Variants in CYP3A43 observed in about 807,000 individuals in gnomAD.
CYP3A43 encodes cytochrome P450 3A43.
Under a neutral mutation model 58.0 loss-of-function variants are expected in CYP3A43, and 45 were observed. The ratio of observed to expected loss-of-function variants is 0.78; its 90% CI spans 0.61 to 0.99. The LOEUF (loss-of-function observed/expected upper bound fraction) is 0.99. Among genes scored for constraint, CYP3A43 ranks in the 50% least tolerant of loss-of-function variants. The pLI is 0.00. For missense variants in CYP3A43, 593 were observed against 591.9 expected (o/e 1.00, Z -0.02); for synonymous variants, 191 against 201.4 (o/e 0.95, Z 0.44).
At position 99,849,534 on chromosome 7, in the gene CYP3A43, TA is replaced by T. The variant is rs1817665122; in HGVS notation, c.522-11del. Reference sequence around the variant, plus strand: ...GTGCTGGTTTTAATTTTCCATGTTTTACTCTACTCAGTTTCTTTGGGGCCTA... The same window carrying T: ...GTGCTGGTTTTAATTTTCCATGTTTTCTCTACTCAGTTTCTTTGGGGCCTA... On this transcript the variant is annotated splice_polypyrimidine_tract_variant and intron_variant, in intron 6 of 12. Coordinates refer to ENST00000354829, the MANE Select transcript of CYP3A43 (RefSeq NM_057095.3). 1.3e-6 allele frequency: 2 copies of T among 1,581,824 alleles called. No homozygotes were observed. The highest frequency in any genetic ancestry group is 1.7e-6 in the Non-Finnish European group (2 of 1,171,152).
Position 99,863,685 on chromosome 7 carries a change from T to G in CYP3A43, c.1402T>G (p.Cys468Gly), listed in dbSNP as rs1170582486. The change falls in exon 12 of 13, where the codon TGT (cysteine) becomes GGT (glycine). Residue 468 changes from cysteine to glycine, a missense_variant. Physicochemically the swap from Cys to Gly is radical, Grantham distance 159. Coordinates refer to ENST00000354829, the MANE Select transcript of CYP3A43 (RefSeq NM_057095.3). ...RALQNFSFKP[C>G]KETQIPLKLD... ...ACTGCAGAACTTCTCCTTCAAACCT[T>G]GTAAAGAGACTCAGGTCAGTAAACT... 1 of 1,602,772 alleles carries G rather than the reference T, an allele frequency of 6.2e-7. No homozygotes were observed. The highest frequency in any genetic ancestry group is 8.5e-7 in the Non-Finnish European group (1 of 1,175,284).
chr7:99,861,200 C>T (rs1303948365), intron 10 of CYP3A43, among the ~76,000 whole-genome samples: 1 of 152,160 alleles, frequency 6.6e-6, no homozygotes, highest in African/African-American at 2.4e-5. Context: ...ATTTTAAATG[C>T]TTGTATGAAA....
At chr7:99,836,279 TC>T (rs1431855380) in intron 1 of CYP3A43, among the ~76,000 whole-genome samples, 173 bp from the exon 2 acceptor site, 7 of 152,212 alleles carry the variant, frequency 4.6e-5, no homozygotes, top group Non-Finnish European at 1.0e-4. Context: ...TCTCTCTGAT[TC>T]CTTAAAATCC....
rs143525495 is a variant in CYP3A43, at chr7:99,859,934, C to T, written c.970C>T (p.His324Tyr). Reference protein sequence around the residue: ...LPFIMYELATHPDVQQKLQEE... With the variant: ...LPFIMYELATYPDVQQKLQEE... ...CTTCATTATGTATGAACTGGCCACT[C>T]ACCCTGATGTCCAGCAGAAACTGCA... The change falls in exon 10 of 13, where the codon CAC (histidine) becomes TAC (tyrosine). Residue 324 changes from histidine to tyrosine, a missense_variant. Coordinates refer to ENST00000354829, the MANE Select transcript of CYP3A43 (RefSeq NM_057095.3). 2.4e-5 allele frequency: 38 copies of T among 1,613,484 alleles called. No individual in the cohort carries two copies. Among genetic ancestry groups the T allele is most frequent in the African/African-American group, 2.3e-4 (17 of 74,874 alleles).
chr7:99,842,968 G>A (rs781611288), intron 3 of CYP3A43, among the ~76,000 whole-genome samples: 4 of 152,132 alleles, frequency 2.6e-5, no homozygotes, highest in Non-Finnish European at 5.9e-5. Context: ...ACCTTGGCAG[G>A]CACAGGACAA....
At chr7:99,843,484 G>T (rs1262863803) in intron 3 of CYP3A43, among the ~76,000 whole-genome samples, 4 of 151,258 alleles carry the variant, frequency 2.6e-5, no homozygotes, top group Non-Finnish European at 5.9e-5. Context: ...TTTTTATTTT[G>T]AGATGGAGTG....
intron 9 of CYP3A43, among the ~76,000 whole-genome samples, chr7:99,859,472 AC>A (rs960273040): frequency 1.3e-5 from 2 of 152,198 alleles, no homozygotes; most frequent in Non-Finnish European, 2.9e-5. Context: ...CTCCACGTTT[AC>A]TTATAGATAA....
chr7:99,861,716 G>T lies in CYP3A43; in HGVS notation c.1130G>T (p.Cys377Phe). The change falls in exon 11 of 13, where the codon TGC (cysteine) becomes TTC (phenylalanine). Residue 377 changes from cysteine to phenylalanine, a missense_variant. Transcript: ENST00000354829. Reference protein sequence around the residue: ...FPVVSRVTRVCKKDIEINGVF... With the variant: ...FPVVSRVTRVFKKDIEINGVF... ...GTTGTTAGTAGAGTTACGAGAGTCTGCAAGAAAGATATTGAAATCAATGGA... is the reference window on the plus strand; with the variant it reads ...GTTGTTAGTAGAGTTACGAGAGTCTTCAAGAAAGATATTGAAATCAATGGA... 2.5e-6 allele frequency: 4 copies of T among 1,614,152 alleles called. No homozygotes were observed. The South Asian group carries it at 4.4e-5, about 18-fold the overall frequency.
Position 99,863,689 on chromosome 7 carries a change from A to G in CYP3A43, c.1406A>G (p.Lys469Arg), listed in dbSNP as rs1357189333. Residue 469 changes from lysine (K) to arginine (R), a missense_variant, in exon 12 of 13, where the codon AAA becomes AGA. Lys to Arg is a conservative substitution (Grantham distance 26). Transcript: ENST00000354829. ...CAGAACTTCTCCTTCAAACCTTGTAAAGAGACTCAGGTCAGTAAACTTTCT... is the reference window on the plus strand; with the variant it reads ...CAGAACTTCTCCTTCAAACCTTGTAGAGAGACTCAGGTCAGTAAACTTTCT... ...ALQNFSFKPC[K>R]ETQIPLKLDN... 6.2e-7 allele frequency: 1 copy of G among 1,602,468 alleles called. No homozygotes were observed. Among genetic ancestry groups the G allele is most frequent in the Non-Finnish European group, 8.5e-7 (1 of 1,175,022 alleles).
chr7:99,838,857 A>G (rs1817203758), intron 2 of CYP3A43: 4 of 534,772 alleles, frequency 7.5e-6, no homozygotes, highest in Non-Finnish European at 6.2e-6. Flanking sequence ...GCGGGCCCCC[A>G]TAATCCCAGC....
At chr7:99,860,794 G>C (rs1818196619) in intron 10 of CYP3A43, among the ~76,000 whole-genome samples, 1 of 152,122 alleles carries the variant, frequency 6.6e-6, no homozygotes, top group Non-Finnish European at 1.5e-5. Context: ...CAGTTATAAA[G>C]TTCTTTTGTC....
chr7:99,836,323 T>G, intron 1 of CYP3A43, 130 bp from the exon 2 acceptor site: 1 of 689,834 alleles, frequency 1.4e-6, no homozygotes, highest in Non-Finnish European at 2.6e-6. Flanking sequence ...CATCAGAGTT[T>G]CTGTTGTTAT....
At chr7:99,857,389 C>T (rs1237287507) in intron 9 of CYP3A43, among the ~76,000 whole-genome samples, 3 of 152,096 alleles carry the variant, frequency 2.0e-5, no homozygotes. Flanking sequence ...TCCTTTTCCT[C>T]TTCAATTTTT....
intron 1 of CYP3A43, among the ~76,000 whole-genome samples, chr7:99,831,415 C>G (rs1816838560): frequency 6.6e-6 from 1 of 152,214 alleles, no homozygotes; most frequent in Non-Finnish European, 1.5e-5. Context: ...ACCTCTCTTT[C>G]AGCTGAAAGC....
chr7:99,834,600 C>T (rs574826723), intron 1 of CYP3A43, among the ~76,000 whole-genome samples: 4 of 152,246 alleles, frequency 2.6e-5, no homozygotes, highest in South Asian at 2.1e-4. Context: ...AGCCTCTAGC[C>T]GATGCCAAGT....
chr7:99,863,793 T>A, intron 12 of CYP3A43, 94 bp downstream of exon 12: 1 of 1,074,816 alleles, frequency 9.3e-7, no homozygotes, highest in South Asian at 1.9e-5. Context: ...TTTCAATAAT[T>A]TGCTCTGTAG....
rs1280469390 is a variant in CYP3A43, at chr7:99,856,957, T to A, written c.865+58T>A. The A allele has an allele frequency of 2.6e-6, 4 of 1,548,254 alleles. No homozygotes were observed. In the African/African-American group the frequency reaches 5.6e-5, roughly 22 times the overall value. On this transcript the variant is annotated intron_variant, in intron 9 of 12. Transcript: ENST00000354829. ...GGGGACACTCAGAGAGAAGGCCCTGTTCTGAAAATGTGCAGAAAGTTTTCC... is the reference window on the plus strand; with the variant it reads ...GGGGACACTCAGAGAGAAGGCCCTGATCTGAAAATGTGCAGAAAGTTTTCC...
At chr7:99,835,417 T>C (rs563323198) in intron 1 of CYP3A43, among the ~76,000 whole-genome samples, 144 of 152,316 alleles carry the variant, frequency 9.5e-4, no homozygotes, top group African/African-American at 3.4e-3. Flanking sequence ...CTTCTGGTTT[T>C]TTAGGATTAT....
At chr7:99,847,162 G>A (rs1198886385) in intron 4 of CYP3A43, among the ~76,000 whole-genome samples, 1 of 152,048 alleles carries the variant, frequency 6.6e-6, no homozygotes, top group Non-Finnish European at 1.5e-5. Flanking sequence ...GCACAACCCT[G>A]GAGGAGTTGC....
Sources: allele counts gnomAD v4.1 joint callset (sites outside exome capture counted in the v4.1 genomes callset), GRCh38; gene constraint gnomAD v4.1.1; transcripts MANE v1.5; gene names NCBI Gene and HGNC (gene_info 2026-07-23, HGNC 2026-07-21).